The following LEPROTL1 variants were observed in gnomAD, a reference collection of about 807,000 sequenced individuals.
LEPROTL1 encodes leptin receptor overlapping transcript-like 1.
A neutral mutation model predicts 15.4 loss-of-function variants in LEPROTL1; 6 were observed. That is an observed-to-expected ratio of 0.39 (90% CI 0.21 to 0.77). The LOEUF is 0.77. Ranked by LOEUF, LEPROTL1 falls within the 30% of genes least tolerant of loss-of-function variation. The pLI is 0.41. For synonymous variants in LEPROTL1, 56 were observed against 52.6 expected (o/e 1.06, Z -0.28); for missense variants, 128 against 158.1 (o/e 0.81, Z 1.02).
intron 4 of LEPROTL1, among the ~76,000 whole-genome samples, chr8:30,133,550 G>T (rs1289705567): frequency 1.3e-5 from 2 of 152,146 alleles, no homozygotes; most frequent in African/African-American, 2.4e-5. Flanking sequence ...CTGAATAGGA[G>T]AATTTGCCTG....
Position 30,104,435 on chromosome 8 carries a change from C to T in LEPROTL1, c.228C>T (p.Gly76=), listed in dbSNP as rs11557703. The change falls in exon 3 of 4, where the codon GGC becomes GGT. Residue 76 remains glycine (G), a synonymous_variant. Transcript: ENST00000321250. Reference sequence around the variant, plus strand: ...AACTTGCCATCTTTCTTACAACGGGCATTGTCGTGTCAGCTTTTGGACTCC... The same window carrying T: ...AACTTGCCATCTTTCTTACAACGGGTATTGTCGTGTCAGCTTTTGGACTCC... ...CKELAIFLTT[G]IVVSAFGLPI... 143,726 of 1,610,844 alleles carry T rather than the reference C, an allele frequency of 0.089. 7,213 individuals carry two copies. The highest frequency in any genetic ancestry group is 0.23 in the East Asian group (10,249 of 44,776).
At chr8:30,111,639 AGTG>A (rs1802653698), downstream of LEPROTL1, among the ~76,000 whole-genome samples, 1 of 152,228 alleles carries the variant, frequency 6.6e-6, no homozygotes, top group African/African-American at 2.4e-5. Context: ...CCCTCTCTGA[AGTG>A]GTAATCTAAT....
intron 3 of LEPROTL1, among the ~76,000 whole-genome samples, chr8:30,129,278 C>T (rs773357283): frequency 7.2e-5 from 11 of 152,256 alleles, no homozygotes; most frequent in East Asian, 1.9e-4. Context: ...AGATTGGGCT[C>T]GTTGTTTGCC....
chr8:30,116,382 G>A lies in LEPROTL1; in HGVS notation c.279+11896G>A, dbSNP rs142052806. On this transcript the variant is annotated intron_variant, in intron 3 of 4. Transcript: ENST00000442880. The stretch of plus-strand genomic sequence containing the variant: ...ACAGTTTTTCCATGGACAGGGAGGC[G>A]GGGGATGGTTTTGGGATGAAACCGT... Among the ~76,000 whole-genome samples the A allele has an allele frequency of 6.4e-4, 97 of 152,290 alleles. 1 individual carries two copies. The highest frequency in any genetic ancestry group is 2.1e-3 in the African/African-American group (88 of 41,558).
chr8:30,110,808 C>G (rs1363408752), downstream of LEPROTL1, among the ~76,000 whole-genome samples: 2 of 152,042 alleles, frequency 1.3e-5, no homozygotes, highest in Non-Finnish European at 2.9e-5. Context: ...ACCATAGAAA[C>G]CAGCCAATAG....
chr8:30,123,242 C>T (rs1273940911), intron 3 of LEPROTL1, among the ~76,000 whole-genome samples: 5 of 152,122 alleles, frequency 3.3e-5, no homozygotes, highest in East Asian at 1.9e-4. Context: ...TTAGAAGTCA[C>T]GAAGCATCAC....
At chr8:30,113,098 C>G (rs1338497485), downstream of LEPROTL1, among the ~76,000 whole-genome samples, 1 of 145,540 alleles carries the variant, frequency 6.9e-6, no homozygotes, top group Non-Finnish European at 1.5e-5. Flanking sequence ...TGGTGAAACC[C>G]CGTCTCTCCA....
exon 5 of LEPROTL1, chr8:30,137,405 C>G: frequency 6.4e-7 from 1 of 1,551,694 alleles, no homozygotes. Context: ...TCCACTCAAC[C>G]CGTGCTGAGG....
At chr8:30,120,018 G>A (rs1418215320) in intron 3 of LEPROTL1, among the ~76,000 whole-genome samples, 3 of 152,172 alleles carry the variant, frequency 2.0e-5, no homozygotes, top group Non-Finnish European at 2.9e-5. Flanking sequence ...GCAGTGAGCC[G>A]AGATGCCACT....
chr8:30,129,232 C>T (rs933287413), intron 3 of LEPROTL1, among the ~76,000 whole-genome samples: 18 of 152,198 alleles, frequency 1.2e-4, no homozygotes, highest in Admixed American at 9.2e-4. Context: ...CATCTCTGTT[C>T]ATCAAGACCC....
intron 1 of LEPROTL1, among the ~76,000 whole-genome samples, chr8:30,100,444 TTTAC>T (rs1380656999): frequency 2.0e-5 from 3 of 152,174 alleles, no homozygotes; most frequent in African/African-American, 4.8e-5. Flanking sequence ...AAATTTATCA[TTTAC>T]TTATTTATTT....
chr8:30,128,425 G>C (rs545924484), intron 3 of LEPROTL1, among the ~76,000 whole-genome samples: 323 of 152,112 alleles, frequency 2.1e-3, no homozygotes, highest in Admixed American at 2.4e-3. Flanking sequence ...TCCTTCATGA[G>C]CATTTCCCTC....
chr8:30,095,759 C>T (rs1366857671), intron 1 of LEPROTL1: 6 of 697,682 alleles, frequency 8.6e-6, no homozygotes, highest in Non-Finnish European at 1.3e-5. Flanking sequence ...CACTTTCTGC[C>T]GATTTCGGCA....
intron 3 of LEPROTL1, among the ~76,000 whole-genome samples, chr8:30,122,092 G>A (rs1362250215): frequency 5.3e-5 from 8 of 151,512 alleles, no homozygotes; most frequent in African/African-American, 9.7e-5. Context: ...GCTTGAACCC[G>A]GGAGGCCGAG....
At chr8:30,104,713 T>TA in intron 3 of LEPROTL1, 2 of 340,266 alleles carry the variant, frequency 5.9e-6, no homozygotes, top group East Asian at 5.0e-5. Flanking sequence ...CTTTTTTTTT[T>TA]CTTTTTTTTT....
chr8:30,121,196 TTGTGTTTTG>T (rs1292809003), intron 3 of LEPROTL1, among the ~76,000 whole-genome samples: 4 of 152,288 alleles, frequency 2.6e-5, no homozygotes, highest in South Asian at 2.1e-4. Context: ...CATCTACATA[TTGTGTTTTG>T]TGTGTTTTGT....
chr8:30,132,063 A>G (rs1563220298), intron 3 of LEPROTL1: 1 of 1,551,844 alleles, frequency 6.4e-7, no homozygotes, highest in Non-Finnish European at 8.7e-7. Context: ...TGACCTCCAC[A>G]GCCAGCATGA....
chr8:30,108,610 T>G (rs1802609247), downstream of LEPROTL1: 1 of 152,042 alleles, frequency 6.6e-6, no homozygotes, highest in Non-Finnish European at 1.5e-5. Context: ...AAATGTCTGC[T>G]CTAATATGAT....
rs551715058 is a variant in LEPROTL1 at position 30,095,728 on chromosome 8, C to G, written c.16+200C>G. The G allele has an allele frequency of 1.2e-3, 795 of 686,436 alleles. 15 individuals are homozygous for G. In the East Asian group the frequency reaches 0.021, roughly 18 times the overall value. 42.5% of individuals were successfully genotyped at this position (686,436 alleles called of 1,614,324 possible). ...CCTCGGGCAACGGACGGTTGCGACCCCGGCTTCGCCCCGCAGCCCCCACTT... is the reference window on the plus strand; with the variant it reads ...CCTCGGGCAACGGACGGTTGCGACCGCGGCTTCGCCCCGCAGCCCCCACTT... On this transcript the variant is annotated intron_variant, in intron 1 of 3. Transcript: ENST00000321250.
Sources: allele counts gnomAD v4.1 joint callset (sites outside exome capture counted in the v4.1 genomes callset), GRCh38; gene constraint gnomAD v4.1.1; transcripts MANE v1.5; gene names NCBI Gene and HGNC (gene_info 2026-07-23, HGNC 2026-07-21).